Variants in LRRC45 observed in about 807,000 individuals in gnomAD.
LRRC45 encodes leucine-rich repeat-containing protein 45.
A neutral mutation model predicts 85.4 loss-of-function variants in LRRC45; 73 were observed. The ratio of observed to expected loss-of-function variants is 0.85; its 90% CI spans 0.71 to 1.04. LRRC45 has a LOEUF of 1.04. Among genes scored for constraint, LRRC45 ranks in the 50% least tolerant of loss-of-function variants. LRRC45 has a pLI of 0.00. For missense variants in LRRC45, 937 were observed against 883.3 expected (o/e 1.06, Z -0.77); for synonymous variants, 429 against 386.0 (o/e 1.11, Z -1.31).
At position 82,027,009 on chromosome 17, in the gene LRRC45, C is replaced by G. The variant is rs779588893; in HGVS notation, c.772C>G (p.Gln258Glu). Residue 258 changes from glutamine (Q) to glutamate (E), a missense_variant and splice_region_variant, in exon 6 of 17, where the codon CAG becomes GAG. Transcript: ENST00000306688. The part of the protein sequence containing the change: ...VQHLREEKSK[Q>E]FLDLMETIDK... ...GCACCTCCGGGAGGAGAAGTCCAAGCAGGTGAGGATGGCGCCTTCACTGAC... is the reference window on the plus strand; with the variant it reads ...GCACCTCCGGGAGGAGAAGTCCAAGGAGGTGAGGATGGCGCCTTCACTGAC... 6 of 1,594,038 alleles carry G rather than the reference C, an allele frequency of 3.8e-6. No individual in the cohort carries two copies. Among genetic ancestry groups the G allele is most frequent in the Non-Finnish European group, 5.1e-6 (6 of 1,173,762 alleles).
rs1421506745 is a variant in LRRC45 at position 82,028,368 on chromosome 17, C to T, written c.1126-29C>T. 4 of 1,610,140 alleles carry T rather than the reference C, an allele frequency of 2.5e-6. No homozygotes were observed. In the African/African-American group the frequency reaches 4.0e-5, roughly 16 times the overall value. Reference sequence around the variant, plus strand: ...GGGTGGGCGCGGCAGGGCTGGGCTGCAGCTTCCCTCCCTGGTGCCGGCTTT... The same window carrying T: ...GGGTGGGCGCGGCAGGGCTGGGCTGTAGCTTCCCTCCCTGGTGCCGGCTTT... On this transcript the variant is annotated intron_variant, in intron 10 of 16. Coordinates refer to ENST00000306688, the MANE Select transcript of LRRC45 (RefSeq NM_144999.4).
Position 82,030,722 on chromosome 17 carries a change from G to A in LRRC45, c.1930G>A (p.Ala644Thr), listed in dbSNP as rs1395796285. The part of the protein sequence containing the change: ...AEIARIRDEE[A>T]QRASFLQNAV... ...GATCGCCCGCATCCGGGACGAGGAGGCCCAGAGGGCGAGCTTCCTGCAGAA... is the reference window on the plus strand; with the variant it reads ...GATCGCCCGCATCCGGGACGAGGAGACCCAGAGGGCGAGCTTCCTGCAGAA... The change falls in exon 17 of 17, where the codon GCC becomes ACC. Residue 644 changes from alanine (A) to threonine (T), a missense_variant. Coordinates refer to ENST00000306688, the MANE Select transcript of LRRC45 (RefSeq NM_144999.4). 1 of 1,499,850 alleles carries A rather than the reference G, an allele frequency of 6.7e-7. No individual in the cohort carries two copies. 92.9% of individuals were successfully genotyped at this position (1,499,850 alleles called of 1,614,324 possible). A position where few individuals can be genotyped will look rare whatever the true frequency, so the allele number is the denominator to read the frequency against.
rs1377179917 is a variant in LRRC45 at position 82,025,183 on chromosome 17, G to C, written c.532+5G>C. On this transcript the variant is annotated splice_donor_5th_base_variant and intron_variant, in intron 4 of 16. Coordinates refer to ENST00000306688, the MANE Select transcript of LRRC45 (RefSeq NM_144999.4). ...ACACCACCCTCCAGCAGCTGGGTGA[G>C]GCCTCCCAGGCGCCCTCAGGCTCCC... 2 of 1,582,784 alleles carry C rather than the reference G, an allele frequency of 1.3e-6. No individual in the cohort carries two copies. Among genetic ancestry groups the C allele is most frequent in the Non-Finnish European group, 1.7e-6 (2 of 1,162,648 alleles).
Position 82,024,725 on chromosome 17 carries a change from T to C in LRRC45, c.315T>C (p.Ala105=), listed in dbSNP as rs1413200887. 1.3e-6 allele frequency: 2 copies of C among 1,577,898 alleles called. No homozygotes were observed. Among genetic ancestry groups the C allele is most frequent in the Non-Finnish European group, 8.6e-7 (1 of 1,165,900 alleles). The stretch of plus-strand genomic sequence containing the variant: ...ACCTTCGGGCTGCAGGGGCCGAGGC[T>C]CTGGGAAAACTCCTCCAACAGAACA... The part of the protein sequence containing the change: ...GNNLRAAGAE[A]LGKLLQQNKS... The change falls in exon 3 of 17, where the codon GCT becomes GCC. Residue 105 remains alanine (A), a synonymous_variant. Transcript: ENST00000306688.
In LRRC45 at chr17:82,023,668, A is replaced by G; in HGVS notation, c.25A>G (p.Ser9Gly). ...CATGGAGGAGTTCCGGCGCTCCTAC[A>G]GCCGCCTGTGCAGGGAGAGTGGGGC... Reference protein sequence around the residue: MEEFRRSYSRLCRESGAEP... With the variant: MEEFRRSYGRLCRESGAEP... The change falls in exon 1 of 17, where the codon AGC (serine) becomes GGC (glycine). Residue 9 changes from serine to glycine, a missense_variant. Coordinates refer to ENST00000306688, the MANE Select transcript of LRRC45 (RefSeq NM_144999.4). 1 of 1,546,140 alleles carries G rather than the reference A, an allele frequency of 6.5e-7. No individual in the cohort carries two copies. Among genetic ancestry groups the G allele is most frequent in the East Asian group, 2.4e-5 (1 of 42,374 alleles).
At position 82,023,881 on chromosome 17, in the gene LRRC45, G is replaced by A; in HGVS notation, c.220+18G>A. 12 of 1,545,288 alleles carry A rather than the reference G, an allele frequency of 7.8e-6. No homozygotes were observed. The highest frequency in any genetic ancestry group is 1.0e-5 in the Non-Finnish European group (12 of 1,146,770). On this transcript the variant is annotated intron_variant, in intron 1 of 16. Transcript: ENST00000306688. ...CGAGGAAGGTGGGCAGGCGCGGCGG[G>A]GTGGATCCCTCTGCTCCTTAGCTGC...
chr17:82,029,590 TGAG>T lies in LRRC45; in HGVS notation c.1456_1458del (p.Glu486del). On this transcript the variant is annotated inframe_deletion, in exon 14 of 17. Coordinates refer to ENST00000306688, the MANE Select transcript of LRRC45 (RefSeq NM_144999.4). ...CGGCACTCAGCGAGCGTGGCCAGGC[TGAG>T]GAGGAGCTGATCAAGGCCAAGAGCC... 1 of 1,581,560 alleles carries T rather than the reference TGAG, an allele frequency of 6.3e-7. No individual in the cohort carries two copies. The highest frequency in any genetic ancestry group is 8.6e-7 in the Non-Finnish European group (1 of 1,165,312).
chr17:82,030,535 C>T (rs1467241626), intron 16 of LRRC45, 69 bp downstream of exon 16: 3 of 1,507,948 alleles, frequency 2.0e-6, no homozygotes, highest in Non-Finnish European at 1.8e-6. Context: ...GCGGGGCTGG[C>T]CAGGTCTCCC....
At position 82,029,523 on chromosome 17, in the gene LRRC45, G is replaced by T. The variant is rs1268688750; in HGVS notation, c.1402-20G>T. On this transcript the variant is annotated intron_variant, in intron 13 of 16. Transcript: ENST00000306688. Reference sequence around the variant, plus strand: ...GGGCCAGGGACAGGAGAACGGGCTGGCAGGTGGCCATCTGTGCAGGAGCTG... The same window carrying T: ...GGGCCAGGGACAGGAGAACGGGCTGTCAGGTGGCCATCTGTGCAGGAGCTG... 5 of 1,555,592 alleles carry T rather than the reference G, an allele frequency of 3.2e-6. No homozygotes were observed. The Admixed American group carries it at 9.6e-5, about 30-fold the overall frequency.
Position 82,024,419 on chromosome 17 carries a change from G to A in LRRC45, c.282+80G>A, listed in dbSNP as rs1428135022. Reference sequence around the variant, plus strand: ...AGGTGGAAGATGCCAGGTCTCGGGGGCCTGGGGTCTGGGCAGGTGGCTGGA... The same window carrying A: ...AGGTGGAAGATGCCAGGTCTCGGGGACCTGGGGTCTGGGCAGGTGGCTGGA... On this transcript the variant is annotated intron_variant, in intron 2 of 16. Coordinates refer to ENST00000306688, the MANE Select transcript of LRRC45 (RefSeq NM_144999.4). The A allele has an allele frequency of 3.9e-6, 6 of 1,544,570 alleles. No homozygotes were observed. The African/African-American group carries it at 8.1e-5, about 21-fold the overall frequency.
chr17:82,023,342 C>T lies in LRRC45; in HGVS notation c.-302C>T. The T allele has an allele frequency of 2.0e-5, 9 of 455,908 alleles. No homozygotes were observed. The highest frequency in any genetic ancestry group is 3.5e-5 in the Non-Finnish European group (9 of 258,090). The allele number at this position is 455,908 out of a possible 1,614,324, so 28.2% of individuals were successfully genotyped here. A position where few individuals can be genotyped will look rare whatever the true frequency, so the allele number is the denominator to read the frequency against. On this transcript the variant is annotated 5_prime_UTR_variant, in exon 1 of 17. Transcript: ENST00000306688. ...TACTGAGGCCCCGACGCGGCTGTCG[C>T]GAGGGCGGGGGTCGGGGCTGCAGGC...
Position 82,030,329 on chromosome 17 carries a change from T to G in LRRC45, c.1679T>G (p.Leu560Arg). The G allele has an allele frequency of 1.3e-6, 2 of 1,549,470 alleles. No individual in the cohort carries two copies. Among genetic ancestry groups the G allele is most frequent in the Non-Finnish European group, 1.7e-6 (2 of 1,146,470 alleles). Residue 560 changes from leucine to arginine, a missense_variant, in exon 16 of 17, where the codon CTC becomes CGC. Coordinates refer to ENST00000306688, the MANE Select transcript of LRRC45 (RefSeq NM_144999.4). The part of the protein sequence containing the change: ...RLEELQQELS[L>R]KDQERVAEVS... Reference sequence around the variant, plus strand: ...CTTCGTGCCTGGCAGGAGCTGAGCCTCAAGGACCAGGAAAGGGTGGCCGAG... The same window carrying G: ...CTTCGTGCCTGGCAGGAGCTGAGCCGCAAGGACCAGGAAAGGGTGGCCGAG...
chr17:82,030,720 A>G lies in LRRC45; in HGVS notation c.1928A>G (p.Glu643Gly). ...EAEIARIRDE[E>G]AQRASFLQNA... ...GAGATCGCCCGCATCCGGGACGAGG[A>G]GGCCCAGAGGGCGAGCTTCCTGCAG... is the stretch of plus-strand genomic sequence containing the variant. Residue 643 changes from glutamate (E) to glycine (G), a missense_variant, in exon 17 of 17, where the codon GAG (glutamate) becomes GGG (glycine). Transcript: ENST00000306688. 1 of 1,498,510 alleles carries G rather than the reference A, an allele frequency of 6.7e-7. No individual in the cohort carries two copies. Among genetic ancestry groups the G allele is most frequent in the East Asian group, 2.6e-5 (1 of 38,990 alleles). 92.8% of individuals were successfully genotyped at this position (1,498,510 alleles called of 1,614,324 possible). A position where few individuals can be genotyped will look rare whatever the true frequency, so the allele number is the denominator to read the frequency against.
At chr17:82,025,219 G>A (rs1234474467) in intron 4 of LRRC45, 41 bp downstream of exon 4, 2 of 1,555,104 alleles carry the variant, frequency 1.3e-6, no homozygotes, top group Admixed American at 1.9e-5. Flanking sequence ...TCATCCCTCT[G>A]AGGCTGCCTC....
At position 82,026,965 on chromosome 17, in the gene LRRC45, T is replaced by A. The variant is rs760773522; in HGVS notation, c.728T>A (p.Val243Asp). The change falls in exon 6 of 17, where the codon GTC becomes GAC. Residue 243 changes from valine to aspartate, a missense_variant. Val to Asp is a radical substitution (Grantham distance 152). Coordinates refer to ENST00000306688, the MANE Select transcript of LRRC45 (RefSeq NM_144999.4). Reference protein sequence around the residue: ...TFQENQARTHVLSKEVQHLRE... With the variant: ...TFQENQARTHDLSKEVQHLRE... ...CAGGAGAACCAAGCCCGCACTCACGTCCTCAGCAAGGAGGTCCAGCACCTC... is the reference window on the plus strand; with the variant it reads ...CAGGAGAACCAAGCCCGCACTCACGACCTCAGCAAGGAGGTCCAGCACCTC... The A allele has an allele frequency of 1.9e-6, 3 of 1,607,916 alleles. No individual in the cohort carries two copies. In the South Asian group the frequency reaches 3.3e-5, roughly 18 times the overall value.
Position 82,030,326 on chromosome 17 carries a change from G to A in LRRC45, c.1676G>A (p.Ser559Asn), listed in dbSNP as rs1379062843. Residue 559 changes from serine (S) to asparagine (N), a missense_variant, in exon 16 of 17, where the codon AGC becomes AAC. By Grantham distance (46) the Ser-to-Asn change is conservative (BLOSUM62 1). Transcript: ENST00000306688. Reference protein sequence around the residue: ...RRLEELQQELSLKDQERVAEV... With the variant: ...RRLEELQQELNLKDQERVAEV... ...AGCCTTCGTGCCTGGCAGGAGCTGAGCCTCAAGGACCAGGAAAGGGTGGCC... is the reference window on the plus strand; with the variant it reads ...AGCCTTCGTGCCTGGCAGGAGCTGAACCTCAAGGACCAGGAAAGGGTGGCC... 6.5e-7 allele frequency: 1 copy of A among 1,549,404 alleles called. No homozygotes were observed. Among genetic ancestry groups the A allele is most frequent in the South Asian group, 1.2e-5 (1 of 84,046 alleles).
chr17:82,030,462 G>C lies in LRRC45; in HGVS notation c.1812G>C (p.Leu604=). 1 of 1,544,008 alleles carries C rather than the reference G, an allele frequency of 6.5e-7. No individual in the cohort carries two copies. Reference sequence around the variant, plus strand: ...AGGCGGCGGCCCTGGAGCGCCAGCTGAAAGGTGAGCCAGACCCTTGTCCTC... The same window carrying C: ...AGGCGGCGGCCCTGGAGCGCCAGCTCAAAGGTGAGCCAGACCCTTGTCCTC... ...REKAAALERQ[L]KVMASDHREA... The change falls in exon 16 of 17, where the codon CTG becomes CTC. Residue 604 remains leucine (L), a synonymous_variant. Transcript: ENST00000306688.
In LRRC45 at chr17:82,029,566, G is replaced by A. The variant is rs758425669; in HGVS notation, c.1425G>A (p.Ala475=). ...AGGAGCTGAGCCGAGTGAAAGCAGCGGCACTCAGCGAGCGTGGCCAGGCTG... is the reference window on the plus strand; with the variant it reads ...AGGAGCTGAGCCGAGTGAAAGCAGCAGCACTCAGCGAGCGTGGCCAGGCTG... ...LEEELSRVKA[A]ALSERGQAEE... is the part of the protein sequence containing the mutation. Residue 475 remains alanine, a synonymous_variant, in exon 14 of 17, where the codon GCG becomes GCA. Transcript: ENST00000306688. 99 of 1,577,106 alleles carry A rather than the reference G, an allele frequency of 6.3e-5. 1 individual carries two copies. The Admixed American group carries it at 8.7e-4, about 14-fold the overall frequency.
chr17:82,028,535 G>A (rs768464987), intron 11 of LRRC45, 27 bp downstream of exon 11: 7 of 1,611,696 alleles, frequency 4.3e-6, no homozygotes, highest in Non-Finnish European at 5.9e-6. Context: ...CTGCTGTGGA[G>A]GGGCCTGGGG....
Sources: allele counts gnomAD v4.1 joint callset, GRCh38; gene constraint gnomAD v4.1.1; transcripts MANE v1.5; gene names NCBI Gene and HGNC (gene_info 2026-07-23, HGNC 2026-07-21).